SEC23A: variants seen among roughly 807,000 people sequenced by gnomAD.
SEC23A encodes the protein protein transport protein Sec23A.
SEC23A carries 56 observed loss-of-function variants against 103.7 expected under a neutral mutation model. The ratio of observed to expected loss-of-function variants is 0.54; its 90% CI spans 0.44 to 0.67. The LOEUF is 0.67. SEC23A is among the 30% of genes least tolerant of loss of function. The pLI, the probability that SEC23A is intolerant of heterozygous loss-of-function variation, is 0.00. For synonymous variants in SEC23A, 281 were observed against 293.0 expected (o/e 0.96, Z 0.42); for missense variants, 784 against 936.4 (o/e 0.84, Z 2.12).
At chr14:39,041,409 C>CAAAAAAAAAAAAAAAAAAAAAAAAG (rs1885633727) in intron 17 of SEC23A, 2 of 14,638 alleles carry the variant, frequency 1.4e-4, no homozygotes, top group Non-Finnish European at 2.5e-4. Context: ...AAAGAAAAAG[C>CAAAAAAAAAAAAAAAAAAAAAAAAG]AAAAAAAAAA....
At chr14:39,101,724 A>T (rs1052423423) in intron 1 of SEC23A, among the ~76,000 whole-genome samples, 4 of 152,148 alleles carry the variant, frequency 2.6e-5, no homozygotes, top group Non-Finnish European at 5.9e-5. Flanking sequence ...CTTGCCAAGT[A>T]AATTTGAGTT....
chr14:39,083,548 G>T (rs1183246099), intron 7 of SEC23A, among the ~76,000 whole-genome samples: 3 of 137,444 alleles, frequency 2.2e-5, no homozygotes, highest in Non-Finnish European at 4.7e-5. Context: ...CCTCAGCCTT[G>T]GCAAAATAAA....
chr14:39,068,323 T>C (rs1001898390), intron 9 of SEC23A, among the ~76,000 whole-genome samples: 3 of 152,150 alleles, frequency 2.0e-5, no homozygotes, highest in Non-Finnish European at 4.4e-5. Flanking sequence ...CAGAGTAACT[T>C]GATAATATCT....
intron 17 of SEC23A, chr14:39,041,172 T>G: frequency 3.9e-6 from 1 of 255,376 alleles, no homozygotes. Context: ...AAAAGCTATC[T>G]ACCTAAGCTT....
rs1048025083 is a variant in SEC23A at position 39,042,706 on chromosome 14, G to A, written c.1986+80C>T. On this transcript the variant is annotated intron_variant, in intron 17 of 19. Transcript: ENST00000307712. ...AAAGTTTATCATAGATGAAACACTA[G>A]CCATACAATTAGAAGTAAGAAAACC... 43 of 834,468 alleles carry A rather than the reference G, an allele frequency of 5.2e-5. No individual in the cohort carries two copies. In the East Asian group the frequency reaches 1.0e-3, roughly 19 times the overall value. The allele number at this position is 834,468 out of a possible 1,614,324, so 51.7% of individuals were successfully genotyped here.
chr14:39,091,022 C>G (rs1887644601), intron 5 of SEC23A: 2 of 384,684 alleles, frequency 5.2e-6, no homozygotes, highest in Non-Finnish European at 9.8e-6. Context: ...GCTGCCCCAG[C>G]TGAGGAAAAG....
Position 39,063,373 on chromosome 14 carries a change from C to A in SEC23A, c.1349G>T (p.Gly450Val), listed in dbSNP as rs149695859. 48 of 1,612,368 alleles carry A rather than the reference C, an allele frequency of 3.0e-5. No individual in the cohort carries two copies. The highest frequency in any genetic ancestry group is 3.9e-5 in the Non-Finnish European group (46 of 1,178,828). The change falls in exon 12 of 20, where the codon GGA (glycine) becomes GTA (valine). Residue 450 changes from glycine (G) to valine (V), a missense_variant. By Grantham distance (109) the Gly-to-Val change is moderately radical. Around this residue, in one of 2 missense-constraint regions of SEC23A, gnomAD observed 683 missense variants for 774.2 expected, o/e 0.88. Transcript: ENST00000307712. ...TGGTCQWKIC[G>V]LSPTTTLAIY... The stretch of plus-strand genomic sequence containing the variant: ...GGCTAAGGTTGTAGTGGGACTAAGT[C>A]CACATATCTTCCACTGACATGTGCC...
At position 39,091,703 on chromosome 14, in the gene SEC23A, T is replaced by G. The variant is rs752274259; in HGVS notation, c.377A>C (p.Gln126Pro). The G allele has an allele frequency of 6.2e-7, 1 of 1,612,750 alleles. No homozygotes were observed. The highest frequency in any genetic ancestry group is 8.5e-7 in the Non-Finnish European group (1 of 1,178,808). The change falls in exon 5 of 20, where the codon CAG (glutamine) becomes CCG (proline). Residue 126 changes from glutamine to proline, a missense_variant. Gln to Pro is a moderately conservative substitution (Grantham distance 76, BLOSUM62 -1). This residue lies in a region of SEC23A where 683 missense variants were observed against 774.2 expected (regional missense o/e 0.88). Transcript: ENST00000307712. Reference protein sequence around the residue: ...SIEYVVLRGPQMPLIFLYVVD... With the variant: ...SIEYVVLRGPPMPLIFLYVVD... ...CACATAGAGGAATATCAAAGGCATC[T>G]GAGGACCACGCTTTTAAAAAATTCA... is the stretch of plus-strand genomic sequence containing the variant.
intron 11 of SEC23A, among the ~76,000 whole-genome samples, chr14:39,064,301 C>T (rs12432236): frequency 0.16 from 23,581 of 152,122 alleles, 2,008 homozygotes; most frequent in African/African-American, 0.22. Flanking sequence ...TCCACAGCTA[C>T]ATGATTCTAC....
intron 1 of SEC23A, among the ~76,000 whole-genome samples, chr14:39,102,379 G>C (rs1204247228): frequency 6.6e-6 from 1 of 152,178 alleles, no homozygotes. Context: ...GCTTTGGACG[G>C]TAGAGGTTGA....
At chr14:39,053,918 A>G (rs1306868591) in intron 14 of SEC23A, among the ~76,000 whole-genome samples, 1 of 151,858 alleles carries the variant, frequency 6.6e-6, no homozygotes, top group Non-Finnish European at 1.5e-5. Context: ...GGGGTGCTTG[A>G]GCATAGCAGT....
rs1886378286 is a variant in SEC23A, at chr14:39,059,293, A to ACAAAAC, written c.1505+2471_1505+2472insGTTTTG. Among the ~76,000 whole-genome samples, 103 of 114,048 alleles carry ACAAAAC rather than the reference A, an allele frequency of 9.0e-4. 2 individuals carry two copies. The highest frequency in any genetic ancestry group is 1.3e-3 in the Non-Finnish European group (65 of 51,854). The allele number at this position is 114,048 out of a possible 152,430, so 74.8% of individuals were successfully genotyped here. On this transcript the variant is annotated intron_variant, in intron 13 of 19. Coordinates refer to ENST00000307712, the MANE Select transcript of SEC23A (RefSeq NM_006364.4). ...AGTCCTAGTTTAAAAAAAAAAAAAA[A>ACAAAAC]AAAAAAAAAAAAAAAAACAACAAGG...
Position 39,094,422 on chromosome 14 carries a change from ATATATATATATATATATATATTT to A in SEC23A, c.222-1201_222-1179del, listed in dbSNP as rs1387531374. ...CATATATATATATATATATATATAT[ATATATATATATATATATATATTT>A]TTTTTTTTTTTTTTTCCCCTCCTGT... On this transcript the variant is annotated intron_variant, in intron 2 of 19. Coordinates refer to ENST00000307712, the MANE Select transcript of SEC23A (RefSeq NM_006364.4). Among the ~76,000 whole-genome samples the A allele has an allele frequency of 1.7e-3, 106 of 63,494 alleles. 26 individuals carry two copies. Among genetic ancestry groups the A allele is most frequent in the African/African-American group, 0.011 (100 of 9,092 alleles). The allele number at this position is 63,494 out of a possible 152,430, so 41.7% of individuals were successfully genotyped here.
intron 1 of SEC23A, 81 bp from the exon 2 acceptor site, chr14:39,096,220 G>A (rs1566516878): frequency 3.2e-6 from 3 of 930,246 alleles, no homozygotes; most frequent in Non-Finnish European, 5.1e-6. Flanking sequence ...CCCTCATTCA[G>A]CAATATTAAC....
chr14:39,097,048 G>T (rs117175680), intron 1 of SEC23A, among the ~76,000 whole-genome samples: 5 of 152,314 alleles, frequency 3.3e-5, no homozygotes, highest in Non-Finnish European at 7.3e-5. Flanking sequence ...CTCTTTTGCA[G>T]AAACTTACTT....
chr14:39,045,362 T>C (rs1051129267), intron 15 of SEC23A, 38 bp from the exon 16 acceptor site: 2 of 1,529,944 alleles, frequency 1.3e-6, no homozygotes, highest in African/African-American at 2.7e-5. Flanking sequence ...TTACTGATTT[T>C]AATATTAAAA....
At chr14:39,086,120 G>C (rs1887435885) in intron 6 of SEC23A, among the ~76,000 whole-genome samples, 1 of 152,118 alleles carries the variant, frequency 6.6e-6, no homozygotes, top group Non-Finnish European at 1.5e-5. Flanking sequence ...GGTAGGTCTG[G>C]AGTGGAGCCG....
intron 11 of SEC23A, 33 bp from the exon 12 acceptor site, chr14:39,063,446 TAG>T: frequency 7.7e-7 from 1 of 1,302,028 alleles, no homozygotes; most frequent in Non-Finnish European, 1.1e-6. Context: ...GTTTGAAAGC[TAG>T]AGACACAATT....
chr14:39,095,924 A>C lies in SEC23A; in HGVS notation c.195T>G (p.Thr65=). 1 of 1,613,926 alleles carries C rather than the reference A, an allele frequency of 6.2e-7. No individual in the cohort carries two copies. Among genetic ancestry groups the C allele is most frequent in the Non-Finnish European group, 8.5e-7 (1 of 1,179,784 alleles). The part of the protein sequence containing the change: ...QYEPVLCSRT[T]CRAVLNPLCQ... ...ATAAAGGATTCAAAACTGCACGGCA[A>C]GTGGTCCTACTACACAGAACAGGTT... is the stretch of plus-strand genomic sequence containing the variant. The change falls in exon 2 of 20, where the codon ACT becomes ACG. Residue 65 remains threonine (T), a synonymous_variant. Coordinates refer to ENST00000307712, the MANE Select transcript of SEC23A (RefSeq NM_006364.4).
Sources: allele counts gnomAD v4.1 joint callset (sites outside exome capture counted in the v4.1 genomes callset), GRCh38; gene constraint gnomAD v4.1.1; regional missense constraint gnomAD v4.1.1; transcripts MANE v1.5; gene names NCBI Gene and HGNC (gene_info 2026-07-23, HGNC 2026-07-21).